ATP1A2: variants seen among roughly 807,000 people sequenced by gnomAD.
The protein encoded by ATP1A2 is sodium/potassium-transporting ATPase subunit alpha-2.
Under a neutral mutation model 113.1 loss-of-function variants are expected in ATP1A2, and 56 were observed. The ratio of observed to expected loss-of-function variants is 0.49; its 90% confidence interval spans 0.40 to 0.62. ATP1A2 has a LOEUF of 0.62. Ranked by LOEUF, ATP1A2 falls within the 20% of genes least tolerant of loss-of-function variation. ATP1A2 has a pLI of 0.00. For synonymous variants in ATP1A2, 490 were observed against 526.8 expected (o/e 0.93, Z 0.96); for missense variants, 712 against 1,357.8 (o/e 0.52, Z 7.47).
In ATP1A2 at chr1:160,136,373, G is replaced by C. The variant is rs748499136; in HGVS notation, c.2563+3G>C. 3 of 1,614,018 alleles carry C rather than the reference G, an allele frequency of 1.9e-6. No individual in the cohort carries two copies. The highest frequency in any genetic ancestry group is 2.5e-6 in the Non-Finnish European group (3 of 1,180,034). On this transcript the variant is annotated splice_donor_region_variant and intron_variant, in intron 18 of 22. Coordinates refer to ENST00000361216, the MANE Select transcript of ATP1A2 (RefSeq NM_000702.4). The stretch of plus-strand genomic sequence containing the variant: ...CAGCATGGCCTACGGACAGATCGGT[G>C]CGCCAAGCCCCGGGCCTCGGGAGGG...
chr1:160,135,377 C>G lies in ATP1A2; in HGVS notation c.2116-57C>G. The G allele has an allele frequency of 6.2e-7, 1 of 1,614,100 alleles. No homozygotes were observed. ...GCCAAGACAAGCATGGAGTGAGAGG[C>G]GAGGAGCCAGGCTTGGGAAGGGGTT... On this transcript the variant is annotated intron_variant, in intron 15 of 22. Transcript: ENST00000361216. The surrounding 1 kb of genome is among the most constrained non-coding windows in gnomAD (Gnocchi z 6.3).
intron 13 of ATP1A2, among the ~76,000 whole-genome samples, chr1:160,133,125 C>T (rs546978429): frequency 1.8e-4 from 27 of 152,176 alleles, no homozygotes; most frequent in African/African-American, 6.5e-4. Context: ...TACTAGGCTG[C>T]CACCCTGAGA....
Position 160,120,896 on chromosome 1 carries a change from C to T in ATP1A2, c.13-10C>T. On this transcript the variant is annotated splice_polypyrimidine_tract_variant and intron_variant, in intron 1 of 22. Transcript: ENST00000361216. ...TTCCCTGACTCTCTGGCTCTCCCTT[C>T]CTCCCTCAGGCTGGCCGTGAGTACT... The T allele has an allele frequency of 6.9e-7, 1 of 1,439,790 alleles. No individual in the cohort carries two copies. Among genetic ancestry groups the T allele is most frequent in the Non-Finnish European group, 9.1e-7 (1 of 1,095,350 alleles). The allele number at this position is 1,439,790 out of a possible 1,614,324, so 89.2% of individuals were successfully genotyped here.
intron 7 of ATP1A2, chr1:160,125,662 C>A (rs528963618): frequency 2.7e-5 from 6 of 221,366 alleles, no homozygotes; most frequent in Admixed American, 5.2e-5. Context: ...CCTTCGATAA[C>A]CTTTGCTTTG....
intron 9 of ATP1A2, 41 bp downstream of exon 9, chr1:160,128,891 G>T: frequency 6.2e-7 from 1 of 1,613,000 alleles, no homozygotes; most frequent in Non-Finnish European, 8.5e-7. Context: ...GATTAGAGGA[G>T]GCTGAGGGCA....
chr1:160,139,129 A>G (rs1652052559), intron 20 of ATP1A2, among the ~76,000 whole-genome samples: 1 of 152,238 alleles, frequency 6.6e-6, no homozygotes. Flanking sequence ...ATTCTGATAA[A>G]GTGAACATAT....
At position 160,143,553 on chromosome 1, in the gene ATP1A2, T is replaced by A. The variant is rs1652218996; in HGVS notation, c.*2231T>A. 6.6e-6 allele frequency: 1 copy of A among 152,636 alleles called. No homozygotes were observed. Among genetic ancestry groups the A allele is most frequent in the Non-Finnish European group, 1.5e-5 (1 of 68,046 alleles). The allele number at this position is 152,636 out of a possible 1,614,324, so 9.5% of individuals were successfully genotyped here. ...TTAGTTTGAGGTACTACCTATGTACTTGAAAATAATAAAGTGGCATTTCTT... is the reference window on the plus strand; with the variant it reads ...TTAGTTTGAGGTACTACCTATGTACATGAAAATAATAAAGTGGCATTTCTT... On this transcript the variant is annotated 3_prime_UTR_variant, in exon 23 of 23. Transcript: ENST00000361216.
At chr1:160,131,169 T>TGATACA (rs1192719264) in intron 13 of ATP1A2, among the ~76,000 whole-genome samples, 1 of 152,124 alleles carries the variant, frequency 6.6e-6, no homozygotes, top group East Asian at 1.9e-4. Context: ...GCACAGTGCC[T>TGATACA]GATACATAGT....
chr1:160,130,877 GC>G (rs1374939158), intron 13 of ATP1A2, among the ~76,000 whole-genome samples: 1 of 152,146 alleles, frequency 6.6e-6, no homozygotes, highest in Non-Finnish European at 1.5e-5. Context: ...CTGATTTGAA[GC>G]ATAATCTGGC....
intron 20 of ATP1A2, chr1:160,137,348 C>T (rs1570995990): frequency 4.7e-6 from 2 of 425,806 alleles, no homozygotes; most frequent in East Asian, 1.0e-4. Context: ...GTCTTCTGTG[C>T]CCACCCCTCC....
intron 4 of ATP1A2, 40 bp from the exon 5 acceptor site, chr1:160,123,903 G>A (rs1217564032): frequency 2.5e-6 from 4 of 1,593,450 alleles, no homozygotes; most frequent in East Asian, 2.2e-5. Context: ...TTTAGGGTTG[G>A]GGGGAAGGTC....
At chr1:160,131,643 T>C (rs10218733) in intron 13 of ATP1A2, among the ~76,000 whole-genome samples, 12,839 of 151,980 alleles carry the variant, frequency 0.084, 613 homozygotes, top group Middle Eastern at 0.18. Flanking sequence ...CTGGCCAACA[T>C]GGTGAAACCC....
rs1341881794 is a variant in ATP1A2, at chr1:160,143,315, C to T, written c.*1993C>T. 6.6e-6 allele frequency: 1 copy of T among 152,422 alleles called. No homozygotes were observed. Among genetic ancestry groups the T allele is most frequent in the Non-Finnish European group, 1.5e-5 (1 of 68,024 alleles). 9.4% of individuals were successfully genotyped at this position (152,422 alleles called of 1,614,324 possible). A position where few individuals can be genotyped will look rare whatever the true frequency, so the allele number is the denominator to read the frequency against. Reference sequence around the variant, plus strand: ...AACTGTGGACAAAAGTTTATCTTTGCACAATCAATAAAAATGGCATTTTTT... The same window carrying T: ...AACTGTGGACAAAAGTTTATCTTTGTACAATCAATAAAAATGGCATTTTTT... On this transcript the variant is annotated 3_prime_UTR_variant, in exon 23 of 23. Coordinates refer to ENST00000361216, the MANE Select transcript of ATP1A2 (RefSeq NM_000702.4).
intron 22 of ATP1A2, 103 bp from the exon 23 acceptor site, chr1:160,141,191 C>T: frequency 2.1e-6 from 3 of 1,417,068 alleles, no homozygotes; most frequent in South Asian, 2.4e-5. Context: ...CTTCACCAGG[C>T]TTCTCCTTCC....
Position 160,129,109 on chromosome 1 carries a change from AC to A in ATP1A2, c.1326+22del. ...TCTAAGGTAGGGGGTCAGGACACAC[AC>A]CAGGTATGTTTTGGGGGTGTCTCCA... On this transcript the variant is annotated intron_variant, in intron 10 of 22. Coordinates refer to ENST00000361216, the MANE Select transcript of ATP1A2 (RefSeq NM_000702.4). 6.3e-7 allele frequency: 1 copy of A among 1,599,206 alleles called. No homozygotes were observed. Among genetic ancestry groups the A allele is most frequent in the Non-Finnish European group, 8.5e-7 (1 of 1,174,664 alleles).
At chr1:160,118,762 A>G (rs1651270590) in intron 1 of ATP1A2, among the ~76,000 whole-genome samples, 1 of 152,034 alleles carries the variant, frequency 6.6e-6, no homozygotes, top group Non-Finnish European at 1.5e-5. Context: ...TTCTCCTTGC[A>G]TCCCCCACCC....
At chr1:160,134,396 A>G (rs918109540) in intron 13 of ATP1A2, 88 bp from the exon 14 acceptor site, 8 of 1,594,214 alleles carry the variant, frequency 5.0e-6, no homozygotes, top group South Asian at 3.3e-5. Context: ...ACATCTCGCT[A>G]TCTAGCTTTC....
At chr1:160,134,993 G>C in intron 14 of ATP1A2, 152 bp from the exon 15 acceptor site, 3 of 979,252 alleles carry the variant, frequency 3.1e-6, no homozygotes, top group Non-Finnish European at 4.8e-6. Context: ...AGAAATGGGG[G>C]AAGTGAGTAC....
chr1:160,140,031 A>G, intron 22 of ATP1A2, 47 bp downstream of exon 22: 1 of 1,577,430 alleles, frequency 6.3e-7, no homozygotes, highest in Non-Finnish European at 8.7e-7. Context: ...CCCCACCACC[A>G]GCTCCTCCCT....
Sources: allele counts gnomAD v4.1 joint callset (sites outside exome capture counted in the v4.1 genomes callset), GRCh38; gene constraint gnomAD v4.1.1; non-coding constraint Gnocchi (gnomAD v3.1); transcripts MANE v1.5; gene names NCBI Gene and HGNC (gene_info 2026-07-23, HGNC 2026-07-21).